Variants in CACNA1S observed in about 807,000 individuals in gnomAD.
The protein encoded by CACNA1S is voltage-dependent L-type calcium channel subunit alpha-1S.
Under a neutral mutation model 207.4 loss-of-function variants are expected in CACNA1S, and 126 were observed. The ratio of observed to expected loss-of-function variants is 0.61; its 90% CI spans 0.53 to 0.70. The LOEUF (loss-of-function observed/expected upper bound fraction) is 0.70. Among genes scored for constraint, CACNA1S ranks in the 30% least tolerant of loss-of-function variants. The pLI is 0.00. For synonymous variants in CACNA1S, 960 were observed against 932.7 expected, an observed-to-expected ratio of 1.03 and a Z score of -0.53; for missense variants, 2,349 against 2,422.8, an observed-to-expected ratio of 0.97 and a Z score of 0.64.
At position 201,069,569 on chromosome 1, in the gene CACNA1S, G is replaced by A; in HGVS notation, c.2393C>T (p.Ala798Val). 3 of 1,565,670 alleles carry A rather than the reference G, an allele frequency of 1.9e-6. No individual in the cohort carries two copies. The highest frequency in any genetic ancestry group is 3.3e-4 in the Middle Eastern group (2 of 5,994). ...CAGGATGAAGTTGGTAAACCAGGTG[G>A]CATTGACGATGCGGTGACACAGGAC... ...IRVLCHRIVN[A>V]TWFTNFILLF... is the part of the protein sequence containing the mutation. The change falls in exon 18 of 44, where the codon GCC becomes GTC. Residue 798 changes from alanine to valine, a missense_variant. Coordinates refer to ENST00000362061, the MANE Select transcript of CACNA1S (RefSeq NM_000069.3).
At chr1:201,099,158 G>A (rs1355239437) in intron 2 of CACNA1S, among the ~76,000 whole-genome samples, 2 of 152,214 alleles carry the variant, frequency 1.3e-5, no homozygotes, top group Non-Finnish European at 2.9e-5. Context: ...AAGATGATGA[G>A]AGCTGGTTGG....
chr1:201,067,569 G>C (rs1661291940), intron 19 of CACNA1S, among the ~76,000 whole-genome samples: 1 of 152,126 alleles, frequency 6.6e-6, no homozygotes, highest in South Asian at 2.1e-4. Flanking sequence ...AGCATTCAGG[G>C]ACCTATATGA....
chr1:201,041,382 A>G, intron 41 of CACNA1S, 122 bp downstream of exon 41: 1 of 760,624 alleles, frequency 1.3e-6, no homozygotes, highest in Non-Finnish European at 2.3e-6. Flanking sequence ...GATGACTGCC[A>G]TTGTAACAGG....
In CACNA1S at chr1:201,066,339, G is replaced by C; in HGVS notation, c.2658-23C>G. On this transcript the variant is annotated intron_variant, in intron 20 of 43. Coordinates refer to ENST00000362061, the MANE Select transcript of CACNA1S (RefSeq NM_000069.3). This position sits in a 1 kb window ranked among gnomAD's most constrained non-coding sequence, Gnocchi z 4.3. ...GACCTGGGGGGCGGCAATGGTGAGG[G>C]GGCTGAGGGCAGCCTGCTCCAGCCA... 1 of 1,597,184 alleles carries C rather than the reference G, an allele frequency of 6.3e-7. No homozygotes were observed. The highest frequency in any genetic ancestry group is 8.5e-7 in the Non-Finnish European group (1 of 1,172,002).
In CACNA1S at chr1:201,066,738, C is replaced by A. The variant is rs934127568; in HGVS notation, c.2657+149G>T. On this transcript the variant is annotated intron_variant, in intron 20 of 43. Transcript: ENST00000362061. The surrounding 1 kb of genome is among the most constrained non-coding windows in gnomAD (Gnocchi z 4.3). Reference sequence around the variant, plus strand: ...CAACCCACATTCCAGCTGGTGACAACCCACAGGACCCCCTGCCTCCATCGG... The same window carrying A: ...CAACCCACATTCCAGCTGGTGACAAACCACAGGACCCCCTGCCTCCATCGG... The A allele has an allele frequency of 1.0e-5, 7 of 682,412 alleles. No homozygotes were observed. The African/African-American group carries it at 1.3e-4, about 12-fold the overall frequency. The allele number at this position is 682,412 out of a possible 1,614,324, so 42.3% of individuals were successfully genotyped here.
chr1:201,061,479 G>A lies in CACNA1S; in HGVS notation c.3054-11C>T. 2 of 1,612,388 alleles carry A rather than the reference G, an allele frequency of 1.2e-6. No individual in the cohort carries two copies. The highest frequency in any genetic ancestry group is 1.1e-5 in the South Asian group (1 of 90,998). ...GCCTTGTACAGCAGCCTGGGGGTGGGCAGAGAAGAGAGGACAGACTGGGTG... is the reference window on the plus strand; with the variant it reads ...GCCTTGTACAGCAGCCTGGGGGTGGACAGAGAAGAGAGGACAGACTGGGTG... On this transcript the variant is annotated splice_polypyrimidine_tract_variant and intron_variant, in intron 24 of 43. Coordinates refer to ENST00000362061, the MANE Select transcript of CACNA1S (RefSeq NM_000069.3).
chr1:201,081,977 A>C (rs1254655800), intron 10 of CACNA1S, among the ~76,000 whole-genome samples: 1 of 151,308 alleles, frequency 6.6e-6, no homozygotes, highest in African/African-American at 2.4e-5. Context: ...AGCCTGCAGA[A>C]CTGTGAGCCA....
Position 201,076,965 on chromosome 1 carries a change from G to A in CACNA1S, c.1782C>T (p.Arg594=). ...RYDFEDTEVR[R]SNFDNFPQAL... ...CTTGGGGAAAGTTGTCAAAGTTGCTGCGCCGTACTTCTGTGTCTTCAAAGT... is the reference window on the plus strand; with the variant it reads ...CTTGGGGAAAGTTGTCAAAGTTGCTACGCCGTACTTCTGTGTCTTCAAAGT... Residue 594 remains arginine (R), a synonymous_variant, in exon 12 of 44, where the codon CGC becomes CGT. Coordinates refer to ENST00000362061, the MANE Select transcript of CACNA1S (RefSeq NM_000069.3). 1 of 1,614,264 alleles carries A rather than the reference G, an allele frequency of 6.2e-7. No individual in the cohort carries two copies. Among genetic ancestry groups the A allele is most frequent in the Non-Finnish European group, 8.5e-7 (1 of 1,180,058 alleles).
chr1:201,049,524 C>A (rs1021914563), intron 34 of CACNA1S, among the ~76,000 whole-genome samples: 6 of 152,088 alleles, frequency 3.9e-5, no homozygotes, highest in Non-Finnish European at 8.8e-5. Context: ...TTCATTGGCA[C>A]CGTGACTCCC....
rs753072795 is a variant in CACNA1S, at chr1:201,065,856, G to T, written c.2835C>A (p.Ile945=). The T allele has an allele frequency of 6.2e-7, 1 of 1,613,822 alleles. No individual in the cohort carries two copies. The highest frequency in any genetic ancestry group is 8.5e-7 in the Non-Finnish European group (1 of 1,179,668). ...TTLLQFMFAC[I]GVQLFKGKFF... is the part of the protein sequence containing the mutation. ...GGCTCACCTTGAAGAGCTGGACGCC[G>T]ATGCAGGCAAACATGAACTGTAGGA... Residue 945 remains isoleucine (I), a synonymous_variant, in exon 22 of 44, where the codon ATC becomes ATA. Coordinates refer to ENST00000362061, the MANE Select transcript of CACNA1S (RefSeq NM_000069.3).
Position 201,044,983 on chromosome 1 carries a change from C to A in CACNA1S, c.4669-527G>T, listed in dbSNP as rs942004509. On this transcript the variant is annotated intron_variant, in intron 38 of 43. Coordinates refer to ENST00000362061, the MANE Select transcript of CACNA1S (RefSeq NM_000069.3). Reference sequence around the variant, plus strand: ...CACACCTTAATTGTTCCAATTGAGTCATCTCTTGACCCCATGGGTGGAAAT... The same window carrying A: ...CACACCTTAATTGTTCCAATTGAGTAATCTCTTGACCCCATGGGTGGAAAT... 3.3e-5 allele frequency among the ~76,000 whole-genome samples: 5 copies of A among 152,316 alleles called. No homozygotes were observed. In the East Asian group the frequency reaches 5.8e-4, roughly 18 times the overall value.
At chr1:201,069,400 T>C (rs1661369186) in intron 18 of CACNA1S, 72 bp downstream of exon 18, 12 of 1,590,922 alleles carry the variant, frequency 7.5e-6, no homozygotes, top group Admixed American at 1.8e-5. Flanking sequence ...AGGATACAGC[T>C]GAACCCTGGG....
intron 34 of CACNA1S, among the ~76,000 whole-genome samples, chr1:201,049,822 T>C (rs2102556782): frequency 6.6e-6 from 1 of 152,292 alleles, no homozygotes; most frequent in East Asian, 1.9e-4. Flanking sequence ...GCACTGTATC[T>C]TGGCACCATC....
chr1:201,054,350 C>A (rs557839381), intron 29 of CACNA1S, among the ~76,000 whole-genome samples, 155 bp downstream of exon 29: 4 of 152,204 alleles, frequency 2.6e-5, no homozygotes, highest in African/African-American at 9.6e-5. Context: ...TGCCCCCACC[C>A]GAGCCTAGCC....
intron 22 of CACNA1S, among the ~76,000 whole-genome samples, chr1:201,064,877 C>T (rs930834010): frequency 6.6e-6 from 1 of 152,220 alleles, no homozygotes; most frequent in Non-Finnish European, 1.5e-5. Context: ...TTAGAGGCTC[C>T]TGGTAGATGT....
intron 2 of CACNA1S, among the ~76,000 whole-genome samples, chr1:201,097,365 C>T (rs139445832): frequency 5.2e-4 from 79 of 152,270 alleles, no homozygotes; most frequent in Admixed American, 1.9e-3. Context: ...CCTCTGGCCT[C>T]GTCACCAGCC....
Position 201,044,424 on chromosome 1 carries a change from G to C in CACNA1S, c.4701C>G (p.Ala1567=). The C allele has an allele frequency of 6.2e-7, 1 of 1,613,432 alleles. No individual in the cohort carries two copies. The highest frequency in any genetic ancestry group is 8.5e-7 in the Non-Finnish European group (1 of 1,179,920). Residue 1567 remains alanine, a synonymous_variant, in exon 39 of 44, where the codon GCC becomes GCG. Transcript: ENST00000362061. ...CTGAGACCGTGCGACAGATCTCGGG[G>C]GCTGCCTCTTCCTCAATGGTCCGCA... ...AGLRTIEEEA[A]PEICRTVSGD... is the part of the protein sequence containing the mutation.
chr1:201,096,570 A>G (rs1662442208), intron 2 of CACNA1S, among the ~76,000 whole-genome samples: 1 of 152,196 alleles, frequency 6.6e-6, no homozygotes, highest in Non-Finnish European at 1.5e-5. Flanking sequence ...ACCCCCAAGC[A>G]TCCATCGTGG....
rs532353451 is a variant in CACNA1S, at chr1:201,107,193, C to A, written c.258+2971G>T. On this transcript the variant is annotated intron_variant, in intron 2 of 43. Transcript: ENST00000362061. ...GATAAAATTAATTAAAATCTCAATA[C>A]TTTGACCACAGAGCATTCAACCCCA... 2.6e-5 allele frequency among the ~76,000 whole-genome samples: 4 copies of A among 152,364 alleles called. No individual in the cohort carries two copies. The East Asian group carries it at 7.7e-4, about 29-fold the overall frequency.
Sources: gnomAD v4.1 joint callset for allele counts (sites outside exome capture counted in the v4.1 genomes callset) on GRCh38, gnomAD v4.1.1 for gene constraint, Gnocchi (gnomAD v3.1) non-coding constraint, MANE v1.5 for transcripts, NCBI Gene and HGNC (gene_info 2026-07-23, HGNC 2026-07-21) for gene names.